The following DMBT1 variants were observed in gnomAD, a reference collection of about 807,000 sequenced individuals.
DMBT1 encodes the protein deleted in malignant brain tumors 1.
DMBT1 carries 198 observed loss-of-function variants against 252.9 expected under a neutral mutation model. The ratio of observed to expected loss-of-function variants is 0.78; its 90% CI spans 0.70 to 0.88. The LOEUF is 0.88. Ranked by LOEUF, DMBT1 falls within the 40% of genes least tolerant of loss-of-function variation. DMBT1 has a pLI of 0.00. For missense variants in DMBT1, 2,432 were observed against 2,404.7 expected (o/e 1.01, Z -0.24); for synonymous variants, 990 against 942.7 (o/e 1.05, Z -0.92).
chr10:122,584,976 T>C (rs1198831063), intron 14 of DMBT1, among the ~76,000 whole-genome samples: 2 of 149,068 alleles, frequency 1.3e-5, no homozygotes, highest in South Asian at 2.3e-4. Flanking sequence ...TCAGCAATGG[T>C]GTTAGATGTA....
intron 19 of DMBT1, among the ~76,000 whole-genome samples, chr10:122,591,830 G>C (rs1371832116): frequency 6.7e-6 from 1 of 149,304 alleles, no homozygotes; most frequent in African/African-American, 2.4e-5. Flanking sequence ...ATGCATTGCA[G>C]ACCTGCAAGG....
chr10:122,617,382 G>T (rs1235761320), intron 40 of DMBT1, 122 bp downstream of exon 40: 2 of 1,223,208 alleles, frequency 1.6e-6, no homozygotes, highest in Non-Finnish European at 1.2e-6. Context: ...GGTTGGGTGG[G>T]AGGAAGGTGG....
chr10:122,591,879 T>C (rs1448553161), intron 19 of DMBT1, among the ~76,000 whole-genome samples: 2 of 149,242 alleles, frequency 1.3e-5, no homozygotes, highest in Admixed American at 6.6e-5. Flanking sequence ...GTCTGGCCAA[T>C]GTGTTGCCAT....
At chr10:122,573,836 G>A in intron 6 of DMBT1, 74 bp downstream of exon 6, 1 of 1,558,672 alleles carries the variant, frequency 6.4e-7, no homozygotes, top group African/African-American at 1.4e-5. Flanking sequence ...TGATTCAGAT[G>A]AGGTGCAGAG....
In DMBT1 at chr10:122,643,557, A is replaced by G. The variant is rs184424104; in HGVS notation, c.*159A>G. On this transcript the variant is annotated 3_prime_UTR_variant, in exon 56 of 56. Transcript: ENST00000338354. ...ATCAGACCTGGTTCCCGCCTCCCCC[A>G]AGGCTCATGGTCCTTGGAGGACCCG... 51 of 1,076,954 alleles carry G rather than the reference A, an allele frequency of 4.7e-5. No homozygotes were observed. The African/African-American group carries it at 6.7e-4, about 14-fold the overall frequency. The allele number at this position is 1,076,954 out of a possible 1,614,324, so 66.7% of individuals were successfully genotyped here.
chr10:122,631,231 G>C lies in DMBT1; in HGVS notation c.6296G>C (p.Trp2099Ser). The C allele has an allele frequency of 3.7e-6, 6 of 1,614,020 alleles. No individual in the cohort carries two copies. The highest frequency in any genetic ancestry group is 5.1e-6 in the Non-Finnish European group (6 of 1,179,896). The part of the protein sequence containing the change: ...STLWQCRNRG[W>S]FSHNCNHRED... ...CTCTGGCAGTGCCGGAACCGAGGCT[G>C]GTTCTCCCACAACTGTAATCATCGT... Residue 2099 changes from tryptophan (W) to serine (S), a missense_variant, in exon 49 of 56, where the codon TGG (tryptophan) becomes TCG (serine). Trp to Ser is a radical substitution (Grantham distance 177, BLOSUM62 -3). Around this residue, in one of 3 missense-constraint regions of DMBT1, gnomAD observed 1,162 missense variants for 1,169.0 expected, o/e 0.99. Transcript: ENST00000338354.
In DMBT1 at chr10:122,591,077, A is replaced by G. The variant is rs770648821; in HGVS notation, c.2137+383A>G. 8.1e-5 allele frequency among the ~76,000 whole-genome samples: 12 copies of G among 148,562 alleles called. 1 individual carries two copies. The highest frequency in any genetic ancestry group is 1.8e-4 in the Non-Finnish European group (12 of 66,694). ...GCTGTGCTCAGGCAGGGAGAGCGAT[A>G]TTAGATATTTCCGTTGCCTCCACTT... On this transcript the variant is annotated intron_variant, in intron 18 of 55. Coordinates refer to ENST00000338354, the MANE Select transcript of DMBT1 (RefSeq NM_001377530.1).
intron 44 of DMBT1, among the ~76,000 whole-genome samples, chr10:122,623,106 C>T (rs970419146): frequency 6.6e-6 from 1 of 152,068 alleles, no homozygotes; most frequent in Non-Finnish European, 1.5e-5. Context: ...CTGCTTTCTG[C>T]CTCTGTATAC....
intron 41 of DMBT1, among the ~76,000 whole-genome samples, chr10:122,618,822 G>C (rs186317553): frequency 6.6e-6 from 1 of 152,248 alleles, no homozygotes; most frequent in Non-Finnish European, 1.5e-5. Flanking sequence ...ATGCATGTCT[G>C]TTTGTGTCAG....
chr10:122,632,811 G>A (rs769044824), intron 50 of DMBT1, 50 bp from the exon 51 acceptor site: 10 of 1,605,766 alleles, frequency 6.2e-6, no homozygotes, highest in Admixed American at 3.4e-5. Context: ...GTCGACAGCT[G>A]TGTCAGGGAT....
chr10:122,623,165 T>A (rs1019892765), intron 44 of DMBT1, among the ~76,000 whole-genome samples: 2 of 152,240 alleles, frequency 1.3e-5, no homozygotes, highest in African/African-American at 4.8e-5. Flanking sequence ...AATCATAGCC[T>A]TTTCTGTCTG....
At chr10:122,635,855 C>T in intron 52 of DMBT1, 136 bp from the exon 53 acceptor site, 1 of 911,388 alleles carries the variant, frequency 1.1e-6, no homozygotes. Context: ...TGCGCCCAGC[C>T]AAGGAGACCT....
chr10:122,579,666 C>A lies in DMBT1; in HGVS notation c.768C>A (p.Gly256=), dbSNP rs747842162. 3.1e-6 allele frequency: 5 copies of A among 1,613,794 alleles called. No homozygotes were observed. In the African/African-American group the frequency reaches 4.0e-5, roughly 13 times the overall value. The change falls in exon 10 of 56, where the codon GGC becomes GGA. Residue 256 remains glycine, a synonymous_variant. Coordinates refer to ENST00000338354, the MANE Select transcript of DMBT1 (RefSeq NM_001377530.1). ...AGGTCCTATACCGAGGCTCCTGGGG[C>A]ACCGTGTGTGATGACTACTGGGACA... The part of the protein sequence containing the change: ...RVEVLYRGSW[G]TVCDDYWDTN...
Position 122,636,051 on chromosome 10 carries a change from C to T in DMBT1, c.6609C>T (p.Ser2203=), listed in dbSNP as rs768047546. ...IEVFDGPYRS[S]PLIARVCDGA... is the part of the protein sequence containing the mutation. ...TTTTCGATGGCCCCTACCGCAGTTC[C>T]CCTCTCATTGCTCGAGTTTGTGATG... Residue 2203 remains serine (S), a synonymous_variant, in exon 53 of 56, where the codon TCC becomes TCT. Transcript: ENST00000338354. The T allele has an allele frequency of 1.2e-6, 2 of 1,613,978 alleles. No individual in the cohort carries two copies. Among genetic ancestry groups the T allele is most frequent in the East Asian group, 2.2e-5 (1 of 44,872 alleles).
rs542679221 is a variant in DMBT1, at chr10:122,636,264, C to T, written c.6757+65C>T. 1.2e-5 allele frequency: 17 copies of T among 1,404,188 alleles called. No individual in the cohort carries two copies. In the African/African-American group the frequency reaches 2.1e-4, roughly 18 times the overall value. 87.0% of individuals were successfully genotyped at this position (1,404,188 alleles called of 1,614,324 possible). On this transcript the variant is annotated intron_variant, in intron 53 of 55. Transcript: ENST00000338354. ...CATCCTGAGAGCATCTGTGGCTCAA[C>T]TGTCCTGTTGTTGTGAAATAAGAAA...
rs374888022 is a variant in DMBT1 at position 122,598,956 on chromosome 10, C to A, written c.3139C>A (p.Arg1047=). The A allele has an allele frequency of 1.9e-5, 31 of 1,613,646 alleles. No homozygotes were observed. The highest frequency in any genetic ancestry group is 2.5e-5 in the Non-Finnish European group (30 of 1,179,736). Residue 1047 remains arginine, a synonymous_variant, in exon 26 of 56, where the codon CGG becomes AGG. Coordinates refer to ENST00000338354, the MANE Select transcript of DMBT1 (RefSeq NM_001377530.1). ...GWAMSAPGNA[R]FGQGSGPIVL... is the part of the protein sequence containing the mutation. ...GGCCATGTCAGCCCCAGGAAATGCC[C>A]GGTTTGGTCAGGGCTCAGGACCCAT...
chr10:122,585,298 C>A lies in DMBT1; in HGVS notation c.1448C>A (p.Ala483Glu), dbSNP rs758442204. ...ACGTTGCCGACCATCACCTTACCTGCATCGACAGTAGGTAAATAATCCTCT... is the reference window on the plus strand; with the variant it reads ...ACGTTGCCGACCATCACCTTACCTGAATCGACAGTAGGTAAATAATCCTCT... Reference protein sequence around the residue: ...PDTLPTITLPASTVGSESSLA... With the variant: ...PDTLPTITLPESTVGSESSLA... The change falls in exon 15 of 56, where the codon GCA (alanine) becomes GAA (glutamate). Residue 483 changes from alanine to glutamate, a missense_variant. By Grantham distance (107) the Ala-to-Glu change is moderately radical. Around this residue, in one of 3 missense-constraint regions of DMBT1, gnomAD observed 1,264 missense variants for 1,082.2 expected, o/e 1.17. Coordinates refer to ENST00000338354, the MANE Select transcript of DMBT1 (RefSeq NM_001377530.1). 1.3e-5 allele frequency: 21 copies of A among 1,586,632 alleles called. 1 individual carries two copies. The highest frequency in any genetic ancestry group is 1.7e-5 in the Non-Finnish European group (20 of 1,164,430).
rs909665938 is a variant in DMBT1, at chr10:122,636,995, A to G, written c.6758-133A>G. 3.2e-5 allele frequency: 25 copies of G among 769,672 alleles called. No homozygotes were observed. In the African/African-American group the frequency reaches 4.2e-4, roughly 13 times the overall value. The allele number at this position is 769,672 out of a possible 1,614,324, so 47.7% of individuals were successfully genotyped here. A position where few individuals can be genotyped will look rare whatever the true frequency, so the allele number is the denominator to read the frequency against. ...GGGGATTGCAGTGAGGTCTATGCCC[A>G]CATCCTAAGTGCTGACCCTCCCTGT... On this transcript the variant is annotated intron_variant, in intron 53 of 55. Transcript: ENST00000338354.
At position 122,621,631 on chromosome 10, in the gene DMBT1, C is replaced by G. The variant is rs182592635; in HGVS notation, c.5608+251C>G. On this transcript the variant is annotated intron_variant, in intron 44 of 55. Coordinates refer to ENST00000338354, the MANE Select transcript of DMBT1 (RefSeq NM_001377530.1). ...TTCCTGAGGCAGTGCAAGGAAGAGG[C>G]AGAAGAAAAAATTTCTGGCTCCCCA... is the stretch of plus-strand genomic sequence containing the variant. Among the ~76,000 whole-genome samples, 425 of 152,262 alleles carry G rather than the reference C, an allele frequency of 2.8e-3. 3 individuals carry two copies. Among genetic ancestry groups the G allele is most frequent in the African/African-American group, 9.4e-3 (392 of 41,544 alleles).
Sources: gnomAD v4.1 joint callset for allele counts (sites outside exome capture counted in the v4.1 genomes callset) on GRCh38, gnomAD v4.1.1 for gene constraint, gnomAD v4.1.1 regional missense constraint, MANE v1.5 for transcripts, NCBI Gene and HGNC (gene_info 2026-07-23, HGNC 2026-07-21) for gene names.